USO1: variants seen among roughly 807,000 people sequenced by gnomAD.
The protein encoded by USO1 is USO1 vesicle transport factor.
A neutral mutation model predicts 124.5 loss-of-function variants in USO1; 57 were observed. The ratio of observed to expected loss-of-function variants is 0.46; its 90% confidence interval spans 0.37 to 0.57. The LOEUF (loss-of-function observed/expected upper bound fraction) is 0.57, where lower values mean the gene tolerates loss of function less well. Ranked by LOEUF, USO1 falls within the 20% of genes least tolerant of loss-of-function variation. The probability of loss-of-function intolerance (pLI) is 0.00; values close to 1 mark genes in which losing one functional copy is unlikely to be tolerated. For synonymous variants in USO1, 369 were observed against 362.8 expected, an observed-to-expected ratio of 1.02 and a Z score of -0.19; for missense variants, 900 against 1,040.6, an observed-to-expected ratio of 0.86 and a Z score of 1.86.
At chr4:75,746,369 T>C (rs931408380) in intron 1 of USO1, among the ~76,000 whole-genome samples, 6 of 152,152 alleles carry the variant, frequency 3.9e-5, no homozygotes, top group African/African-American at 9.7e-5. Flanking sequence ...CACAGAGACG[T>C]CTAGTAACTG....
intron 22 of USO1, among the ~76,000 whole-genome samples, chr4:75,811,283 G>C (rs200852175): frequency 6.6e-6 from 1 of 152,142 alleles, no homozygotes; most frequent in South Asian, 2.1e-4. Flanking sequence ...AGCCTCCTGA[G>C]TAGCTGGGAT....
chr4:75,767,239 T>G (rs1445954437), intron 4 of USO1, among the ~76,000 whole-genome samples: 2 of 152,178 alleles, frequency 1.3e-5, no homozygotes, highest in African/African-American at 4.8e-5. Context: ...ATTTATATGC[T>G]TGCCACTCAA....
intron 17 of USO1, among the ~76,000 whole-genome samples, chr4:75,803,919 T>C (rs907656119): frequency 1.3e-5 from 2 of 152,204 alleles, no homozygotes; most frequent in Non-Finnish European, 2.9e-5. Context: ...TGTTTATTAA[T>C]GGAGCCTTCT....
chr4:75,728,397 T>G (rs929209647), intron 1 of USO1, among the ~76,000 whole-genome samples: 2 of 152,206 alleles, frequency 1.3e-5, no homozygotes, highest in African/African-American at 4.8e-5. Context: ...CCAAGGCAGA[T>G]GGAGCACTTG....
chr4:75,801,339 CAACA>C (rs776034920), intron 17 of USO1, 139 bp downstream of exon 17: 69 of 1,031,946 alleles, frequency 6.7e-5, no homozygotes, highest in Non-Finnish European at 8.3e-5. Flanking sequence ...TCTGAGTATT[CAACA>C]AACAGAGTGC....
At chr4:75,800,902 A>G (rs1722828742) in intron 16 of USO1, 103 bp downstream of exon 16, 2 of 1,465,626 alleles carry the variant, frequency 1.4e-6, no homozygotes, top group Admixed American at 2.6e-5. Flanking sequence ...CTCTAAAGGT[A>G]TATTTTCTTC....
At chr4:75,805,415 T>C (rs759613390) in intron 19 of USO1, 112 bp downstream of exon 19, 389 of 1,400,394 alleles carry the variant, frequency 2.8e-4, no homozygotes, top group Non-Finnish European at 3.6e-4. Context: ...TGTTAAGATT[T>C]TACAGGATGG....
At position 75,804,120 on chromosome 4, in the gene USO1, GT is replaced by G. The variant is rs745431972; in HGVS notation, c.1987-10del. On this transcript the variant is annotated splice_polypyrimidine_tract_variant and intron_variant, in intron 17 of 23. Coordinates refer to ENST00000514213, the MANE Select transcript of USO1 (RefSeq NM_003715.4). ...TATGACTTTAAAACACATGAATTAT[GT>G]TTTGTTTCACAGGATCTCCAACTTG... The G allele has an allele frequency of 6.8e-6, 11 of 1,610,796 alleles. No individual in the cohort carries two copies. The African/African-American group carries it at 1.5e-4, about 22-fold the overall frequency.
In USO1 at chr4:75,790,174, A is replaced by T. The variant is rs770752695; in HGVS notation, c.1021A>T (p.Ile341Phe). The T allele has an allele frequency of 2.5e-6, 4 of 1,603,924 alleles. No individual in the cohort carries two copies. The highest frequency in any genetic ancestry group is 2.7e-5 in the African/African-American group (2 of 74,794). ...GACCATAAATACTGTATCAGAAGTT[A>T]TTCGAGGCTGCCAAGTAAACCAAGA... ...TETINTVSEV[I>F]RGCQVNQDYF... The change falls in exon 11 of 24, where the codon ATT (isoleucine) becomes TTT (phenylalanine). Residue 341 changes from isoleucine (I) to phenylalanine (F), a missense_variant. Around this residue, in one of 2 missense-constraint regions of USO1, gnomAD observed 538 missense variants for 681.6 expected, o/e 0.79. Transcript: ENST00000514213.
At chr4:75,757,407 A>G in intron 3 of USO1, 90 bp from the exon 4 acceptor site, 1 of 1,223,636 alleles carries the variant, frequency 8.2e-7, no homozygotes, top group Non-Finnish European at 1.1e-6. Flanking sequence ...TAGAAATGGA[A>G]TTTTCTAAAA....
intron 7 of USO1, among the ~76,000 whole-genome samples, chr4:75,774,387 TG>T (rs1385239636): frequency 2.0e-5 from 3 of 152,178 alleles, no homozygotes; most frequent in African/African-American, 7.2e-5. Flanking sequence ...AGCTATGTAG[TG>T]GTTAATGAAT....
intron 9 of USO1, among the ~76,000 whole-genome samples, chr4:75,783,923 G>A (rs1056879058): frequency 6.6e-6 from 1 of 152,190 alleles, no homozygotes; most frequent in Non-Finnish European, 1.5e-5. Flanking sequence ...GTTTTCAAAT[G>A]TTGGTATTAT....
rs535519095 is a variant in USO1 at position 75,784,315 on chromosome 4, G to A, written c.855+1457G>A. ...TGTTATAGGTGTGAGCCACATGCCC[G>A]GCCTACACTGCTTTCTTAAATAAGG... On this transcript the variant is annotated intron_variant, in intron 9 of 23. Coordinates refer to ENST00000514213, the MANE Select transcript of USO1 (RefSeq NM_003715.4). Among the ~76,000 whole-genome samples the A allele has an allele frequency of 4.0e-4, 61 of 152,206 alleles. No homozygotes were observed. In the Middle Eastern group the frequency reaches 0.01, roughly 25 times the overall value.
intron 1 of USO1, among the ~76,000 whole-genome samples, chr4:75,730,241 G>A (rs189245900): frequency 5.2e-4 from 79 of 152,222 alleles, no homozygotes; most frequent in African/African-American, 1.8e-3. Context: ...AATTATACAT[G>A]CCGTAGCATT....
At chr4:75,738,456 CAA>C (rs199794954) in intron 1 of USO1, among the ~76,000 whole-genome samples, 1 of 143,198 alleles carries the variant, frequency 7.0e-6, no homozygotes, top group Admixed American at 7.0e-5. Context: ...GACTTCGTCT[CAA>C]AAAAAAAAAA....
chr4:75,724,993 A>C (rs1246629849), intron 1 of USO1, 108 bp downstream of exon 1: 1 of 1,139,656 alleles, frequency 8.8e-7, no homozygotes, highest in South Asian at 1.4e-5. Flanking sequence ...TGGAGGGGGC[A>C]TCCACATGCC....
chr4:75,795,394 T>A, intron 13 of USO1: 1 of 700,712 alleles, frequency 1.4e-6, no homozygotes, highest in Middle Eastern at 2.3e-4. Flanking sequence ...ATTTTCCTCT[T>A]ATAGCAAAGC....
Position 75,800,355 on chromosome 4 carries a change from C to A in USO1, c.1568C>A (p.Thr523Lys). ...LHNSANVPFL[T>K]GQIAENLGEE... ...CCTCCTTAACAAAGATTTCAGCTTACAGGACAAATTGCAGAAAATCTTGGA... is the reference window on the plus strand; with the variant it reads ...CCTCCTTAACAAAGATTTCAGCTTAAAGGACAAATTGCAGAAAATCTTGGA... Residue 523 changes from threonine to lysine, a missense_variant, in exon 15 of 24, where the codon ACA (threonine) becomes AAA (lysine). Transcript: ENST00000514213. The A allele has an allele frequency of 1.3e-6, 2 of 1,585,776 alleles. No homozygotes were observed. The highest frequency in any genetic ancestry group is 3.3e-4 in the Middle Eastern group (2 of 6,010).
intron 8 of USO1, among the ~76,000 whole-genome samples, chr4:75,780,912 G>A (rs937856460): frequency 1.8e-4 from 27 of 152,178 alleles, no homozygotes; most frequent in African/African-American, 4.8e-4. Context: ...CTCCCAAAGT[G>A]CTGGGATTAC....
Sources: allele counts gnomAD v4.1 joint callset (sites outside exome capture counted in the v4.1 genomes callset), GRCh38; gene constraint gnomAD v4.1.1; regional missense constraint gnomAD v4.1.1; transcripts MANE v1.5; gene names NCBI Gene and HGNC (gene_info 2026-07-23, HGNC 2026-07-21).